The following WDPCP variants were observed in gnomAD, a reference collection of about 807,000 sequenced individuals.
The protein encoded by WDPCP is WD repeat-containing and planar cell polarity effector protein fritz homolog.
Under a neutral mutation model 93.1 loss-of-function variants are expected in WDPCP, and 71 were observed. The ratio of observed to expected loss-of-function variants is 0.76; its 90% CI spans 0.63 to 0.93. The LOEUF (loss-of-function observed/expected upper bound fraction) is 0.93, where lower values mean the gene tolerates loss of function less well. WDPCP is among the 40% of genes least tolerant of loss of function. The pLI, the probability that WDPCP is intolerant of heterozygous loss-of-function variation, is 0.00. For missense variants in WDPCP, 844 were observed against 887.4 expected, an observed-to-expected ratio of 0.95 and a Z score of 0.62; for synonymous variants, 315 against 315.0, an observed-to-expected ratio of 1.00 and a Z score of 0.00.
chr2:63,729,555 C>T (rs1478292274), intron 2 of WDPCP, among the ~76,000 whole-genome samples: 2 of 152,104 alleles, frequency 1.3e-5, no homozygotes, highest in South Asian at 2.1e-4. Context: ...CAATTCAAAG[C>T]GCTTCCTCTG....
intron 6 of WDPCP, among the ~76,000 whole-genome samples, chr2:63,460,625 AC>A (rs1197541927): frequency 6.6e-6 from 1 of 152,178 alleles, no homozygotes; most frequent in African/African-American, 2.4e-5. Flanking sequence ...AGAGAAAAAA[AC>A]AAAACAAAAA....
In WDPCP at chr2:63,257,992, T is replaced by C. The variant is rs529332067; in HGVS notation, c.1915+1315A>G. Among the ~76,000 whole-genome samples, 24 of 152,294 alleles carry C rather than the reference T, an allele frequency of 1.6e-4. 1 individual carries two copies. In the South Asian group the frequency reaches 5.0e-3, roughly 32 times the overall value. ...GGATGGAGGATATTTCCCCATCATA[T>C]AACGTCATCATTCCTATAAACATGG... On this transcript the variant is annotated intron_variant, in intron 14 of 17. Transcript: ENST00000272321.
intron 2 of WDPCP, among the ~76,000 whole-genome samples, chr2:63,811,018 CT>C (rs1670854466): frequency 6.6e-6 from 1 of 152,168 alleles, no homozygotes; most frequent in Non-Finnish European, 1.5e-5. Context: ...ACTCCTATGT[CT>C]TCTATAAAAT....
intron 14 of WDPCP, chr2:63,228,387 C>CTTTTTTTTTTTTTTT: frequency 1.5e-4 from 17 of 110,416 alleles, no homozygotes; most frequent in East Asian, 5.5e-4. Flanking sequence ...TTTTCTTTTT[C>CTTTTTTTTTTTTTTT]TTTTTTTTTT....
At chr2:63,555,778 G>C (rs891288910) in intron 1 of WDPCP, among the ~76,000 whole-genome samples, 1 of 151,926 alleles carries the variant, frequency 6.6e-6, no homozygotes, top group African/African-American at 2.4e-5. Flanking sequence ...ACTGTTAAAA[G>C]AAAAACAAAC....
chr2:63,294,324 G>GT (rs1575078406), intron 13 of WDPCP, among the ~76,000 whole-genome samples: 1 of 151,302 alleles, frequency 6.6e-6, no homozygotes, highest in East Asian at 1.9e-4. Flanking sequence ...GCCAACAGGG[G>GT]AAACCCCATC....
chr2:63,587,451 TTTC>T (rs777182904), intron 1 of WDPCP, among the ~76,000 whole-genome samples: 55 of 152,340 alleles, frequency 3.6e-4, no homozygotes, highest in Non-Finnish European at 7.3e-4. Context: ...AAGCATTACA[TTTC>T]TTTCCAAAAA....
chr2:63,363,434 C>CA (rs1392855796), intron 12 of WDPCP, among the ~76,000 whole-genome samples: 3 of 151,986 alleles, frequency 2.0e-5, no homozygotes, highest in Middle Eastern at 3.4e-3. Context: ...CCTATCTCTA[C>CA]AAAAAATTTA....
intron 9 of WDPCP, among the ~76,000 whole-genome samples, chr2:63,416,465 G>T (rs997243630): frequency 1.7e-5 from 1 of 59,506 alleles, no homozygotes; most frequent in Admixed American, 1.7e-4. Flanking sequence ...CTCCCAAAGT[G>T]CTGGGATTAC....
At chr2:63,661,787 G>A (rs943060752) in intron 2 of WDPCP, among the ~76,000 whole-genome samples, 6 of 152,180 alleles carry the variant, frequency 3.9e-5, no homozygotes, top group African/African-American at 1.2e-4. Context: ...CAGACAGTGG[G>A]TGCTGTGGGG....
At chr2:63,354,984 G>T (rs1310188535) in intron 12 of WDPCP, among the ~76,000 whole-genome samples, 1 of 152,222 alleles carries the variant, frequency 6.6e-6, no homozygotes, top group Non-Finnish European at 1.5e-5. Flanking sequence ...ATCCCTGAAA[G>T]GGAGGGGGAG....
intron 17 of WDPCP, among the ~76,000 whole-genome samples, chr2:63,145,114 A>G (rs551935521): frequency 5.6e-4 from 85 of 152,234 alleles, no homozygotes; most frequent in Non-Finnish European, 1.1e-3. Context: ...TGAAGCATCT[A>G]TGGGTCTCTC....
chr2:63,706,241 C>T (rs1243291784), intron 2 of WDPCP, among the ~76,000 whole-genome samples: 1 of 152,210 alleles, frequency 6.6e-6, no homozygotes, highest in African/African-American at 2.4e-5. Context: ...TGGGTCTTGA[C>T]TCTATCCAAT....
intron 2 of WDPCP, among the ~76,000 whole-genome samples, chr2:63,796,724 G>T (rs187316948): frequency 6.6e-6 from 1 of 152,342 alleles, no homozygotes; most frequent in Non-Finnish European, 1.5e-5. Flanking sequence ...ACTACCACAG[G>T]ATAAAATGCT....
chr2:63,239,538 A>G (rs915246865), intron 14 of WDPCP, among the ~76,000 whole-genome samples: 1 of 152,194 alleles, frequency 6.6e-6, no homozygotes, highest in South Asian at 2.1e-4. Flanking sequence ...GTGAATAGAG[A>G]TTTCCTAGGG....
intron 14 of WDPCP, among the ~76,000 whole-genome samples, chr2:63,207,372 T>C (rs1676421056): frequency 6.6e-6 from 1 of 152,126 alleles, no homozygotes; most frequent in Non-Finnish European, 1.5e-5. Context: ...AGGAGCTTGC[T>C]TCCCCTTCAC....
chr2:63,817,092 C>T (rs1670942778), intron 1 of WDPCP, among the ~76,000 whole-genome samples: 1 of 151,426 alleles, frequency 6.6e-6, no homozygotes, highest in African/African-American at 2.4e-5. Flanking sequence ...TCATCAGACA[C>T]TGCACTCAAG....
At chr2:63,585,767 G>A (rs1248227496) in intron 1 of WDPCP, among the ~76,000 whole-genome samples, 3 of 150,276 alleles carry the variant, frequency 2.0e-5, no homozygotes, top group African/African-American at 7.3e-5. Flanking sequence ...AGATGAATGA[G>A]TTTTAACTAG....
chr2:63,572,726 A>AAAAAAAAAAAAAAAATG (rs56275317), intron 1 of WDPCP, among the ~76,000 whole-genome samples: 1 of 144,764 alleles, frequency 6.9e-6, no homozygotes, highest in African/African-American at 2.5e-5. Flanking sequence ...AAAAAAAAAA[A>AAAAAAAAAAAAAAAATG]GTTGGACAGC....
Sources: gnomAD v4.1 joint callset for allele counts (sites outside exome capture counted in the v4.1 genomes callset) on GRCh38, gnomAD v4.1.1 for gene constraint, MANE v1.5 for transcripts, NCBI Gene and HGNC (gene_info 2026-07-23, HGNC 2026-07-21) for gene names.